The following NFATC2 variants were observed in gnomAD, a reference collection of about 807,000 sequenced individuals.
The protein encoded by NFATC2 is nuclear factor of activated T cells 2, also known as nuclear factor of activated T-cells, cytoplasmic 2.
A neutral mutation model predicts 87.3 loss-of-function variants in NFATC2; 22 were observed. The observed-to-expected ratio is 0.25, with a 90% CI of 0.18 to 0.36. NFATC2 has a LOEUF of 0.36. Among genes scored for constraint, NFATC2 ranks in the 10% least tolerant of loss-of-function variants. The probability of loss-of-function intolerance (pLI) is 1.00; values close to 1 mark genes in which losing one functional copy is unlikely to be tolerated. For missense variants in NFATC2, 1,149 were observed against 1,259.1 expected (o/e 0.91, Z 1.32); for synonymous variants, 565 against 542.2 (o/e 1.04, Z -0.58).
chr20:51,444,135 C>T (rs768736119), intron 6 of NFATC2, among the ~76,000 whole-genome samples: 3 of 152,084 alleles, frequency 2.0e-5, no homozygotes, highest in African/African-American at 7.2e-5. Flanking sequence ...GCACATGCCA[C>T]CACGGCCGGC....
chr20:51,457,132 A>G (rs1417458117), intron 5 of NFATC2, among the ~76,000 whole-genome samples: 1 of 152,242 alleles, frequency 6.6e-6, no homozygotes, highest in Non-Finnish European at 1.5e-5. Flanking sequence ...CTTTCTTTCA[A>G]TATCAAAGTT....
intron 9 of NFATC2, among the ~76,000 whole-genome samples, chr20:51,399,482 G>A (rs1358152430): frequency 6.6e-6 from 1 of 151,142 alleles, no homozygotes; most frequent in Non-Finnish European, 1.5e-5. Flanking sequence ...TATTAGAAAT[G>A]TCAAGTAAAC....
intron 5 of NFATC2, among the ~76,000 whole-genome samples, chr20:51,464,919 A>G (rs951399252): frequency 1.3e-5 from 2 of 152,180 alleles, no homozygotes; most frequent in East Asian, 1.9e-4. Context: ...GCCTCTTCTC[A>G]TACTGATTCA....
At chr20:51,532,326 C>A (rs1037424121) in intron 1 of NFATC2, among the ~76,000 whole-genome samples, 15 of 152,106 alleles carry the variant, frequency 9.9e-5, no homozygotes, top group African/African-American at 3.1e-4. Flanking sequence ...CCTCCACCCC[C>A]CTAACCACTA....
At chr20:51,483,427 C>G (rs1989434224) in intron 3 of NFATC2, among the ~76,000 whole-genome samples, 2 of 152,004 alleles carry the variant, frequency 1.3e-5, no homozygotes, top group Admixed American at 1.3e-4. Flanking sequence ...AGAAAAAGCC[C>G]AGGGTGGGGG....
At chr20:51,465,983 G>A (rs1987642785) in intron 5 of NFATC2, among the ~76,000 whole-genome samples, 1 of 152,130 alleles carries the variant, frequency 6.6e-6, no homozygotes, top group Non-Finnish European at 1.5e-5. Context: ...TCCGGCAGGA[G>A]CAGCTGAACA....
intron 6 of NFATC2, among the ~76,000 whole-genome samples, chr20:51,442,933 G>A (rs1353272075): frequency 6.6e-6 from 1 of 152,016 alleles, no homozygotes; most frequent in Non-Finnish European, 1.5e-5. Context: ...TTCCACCCAG[G>A]CTCAAGAGAG....
intron 9 of NFATC2, among the ~76,000 whole-genome samples, chr20:51,418,514 G>A (rs1980364154): frequency 6.6e-6 from 1 of 152,216 alleles, no homozygotes; most frequent in African/African-American, 2.4e-5. Context: ...CTTGCTTCAA[G>A]AGAAAAGGTA....
chr20:51,490,086 G>A (rs2075856459), intron 3 of NFATC2, among the ~76,000 whole-genome samples: 1 of 152,128 alleles, frequency 6.6e-6, no homozygotes, highest in Non-Finnish European at 1.5e-5. Flanking sequence ...GGCCATGCTG[G>A]GGAAAACTGG....
At chr20:51,491,871 TACACATACACACAC>T (rs1283389210) in intron 3 of NFATC2, among the ~76,000 whole-genome samples, 1,610 of 86,330 alleles carry the variant, frequency 0.019, 83 homozygotes, top group African/African-American at 0.056. Flanking sequence ...AACACACACA[TACACATACACACAC>T]ACACACACAC....
At chr20:51,482,784 C>T (rs1259752329) in intron 3 of NFATC2, among the ~76,000 whole-genome samples, 1 of 152,234 alleles carries the variant, frequency 6.6e-6, no homozygotes, top group Non-Finnish European at 1.5e-5. Context: ...AAGTTATCTA[C>T]GCTTTCAGAC....
intron 5 of NFATC2, among the ~76,000 whole-genome samples, chr20:51,472,543 ACCAAATGTT>A (rs888855515): frequency 2.0e-5 from 3 of 152,126 alleles, no homozygotes; most frequent in Non-Finnish European, 4.4e-5. Context: ...ACAGCATGAA[ACCAAATGTT>A]CTTAGAAGAA....
intron 10 of NFATC2, among the ~76,000 whole-genome samples, chr20:51,398,040 G>T (rs888837122): frequency 1.3e-5 from 2 of 151,546 alleles, no homozygotes; most frequent in African/African-American, 4.9e-5. Context: ...CTGGGTGAGG[G>T]GCTCAGCCGA....
chr20:51,436,898 G>T (rs1234634388), intron 6 of NFATC2, among the ~76,000 whole-genome samples: 1 of 152,144 alleles, frequency 6.6e-6, no homozygotes, highest in Non-Finnish European at 1.5e-5. Flanking sequence ...TAAAGATGCG[G>T]CCCCAAGTCA....
At chr20:51,455,920 G>A (rs1469928212) in intron 5 of NFATC2, among the ~76,000 whole-genome samples, 20 of 10,964 alleles carry the variant, frequency 1.8e-3, no homozygotes, top group South Asian at 5.4e-3. Flanking sequence ...GGGTGGGTGG[G>A]TGGATGGGTG....
intron 1 of NFATC2, among the ~76,000 whole-genome samples, chr20:51,557,977 C>T (rs1409923357): frequency 2.6e-5 from 4 of 152,156 alleles, no homozygotes; most frequent in Non-Finnish European, 5.9e-5. Context: ...GCCAGCAGAG[C>T]CCAGAGGAGG....
chr20:51,475,784 G>C, intron 3 of NFATC2, 124 bp from the exon 4 acceptor site: 1 of 949,704 alleles, frequency 1.1e-6, no homozygotes, highest in Admixed American at 2.6e-5. Context: ...GCATCTGGAA[G>C]AATGGAGAAC....
At chr20:51,488,530 C>G (rs1332515256) in intron 3 of NFATC2, among the ~76,000 whole-genome samples, 2 of 152,136 alleles carry the variant, frequency 1.3e-5, no homozygotes, top group African/African-American at 4.8e-5. Flanking sequence ...TGCTAAATGT[C>G]CCCTGGGACA....
At chr20:51,514,307 T>G (rs1265445794) in intron 3 of NFATC2, among the ~76,000 whole-genome samples, 1 of 152,190 alleles carries the variant, frequency 6.6e-6, no homozygotes, top group Non-Finnish European at 1.5e-5. Context: ...GGATACAGAT[T>G]CTCTCTCCTT....
Sources: allele counts gnomAD v4.1 joint callset (sites outside exome capture counted in the v4.1 genomes callset), GRCh38; gene constraint gnomAD v4.1.1; transcripts MANE v1.5; gene names NCBI Gene and HGNC (gene_info 2026-07-23, HGNC 2026-07-21).